BLOC1S5: variants seen among roughly 807,000 people sequenced by gnomAD.
BLOC1S5 encodes the protein biogenesis of lysosome-related organelles complex 1 subunit 5.
Under a neutral mutation model 24.3 loss-of-function variants are expected in BLOC1S5, and 27 were observed. The ratio of observed to expected loss-of-function variants is 1.11; its 90% confidence interval spans 0.82 to 1.53. The LOEUF (loss-of-function observed/expected upper bound fraction) is 1.53. Ranked by LOEUF, BLOC1S5 falls within the 40% of genes most tolerant of loss-of-function variation. The pLI is 0.00. For synonymous variants in BLOC1S5, 84 were observed against 74.5 expected (o/e 1.13, Z -0.66); for missense variants, 239 against 229.4 (o/e 1.04, Z -0.27).
At chr6:8,034,899 A>G (rs1053167505) in intron 3 of BLOC1S5, among the ~76,000 whole-genome samples, 12 of 152,176 alleles carry the variant, frequency 7.9e-5, no homozygotes, top group African/African-American at 4.8e-5. Context: ...CCAAATGCCC[A>G]TCAATCAACA....
chr6:8,047,437 C>T (rs1164016854), intron 2 of BLOC1S5, among the ~76,000 whole-genome samples: 2 of 152,070 alleles, frequency 1.3e-5, no homozygotes, highest in Non-Finnish European at 2.9e-5. Flanking sequence ...TTGTTGACCA[C>T]GCCTGGCCAA....
chr6:8,033,786 AAAAC>A (rs538393128), intron 3 of BLOC1S5, among the ~76,000 whole-genome samples: 5,948 of 152,282 alleles, frequency 0.039, 363 homozygotes, highest in African/African-American at 0.13. Flanking sequence ...TTACAAGAGA[AAAAC>A]AAACAACGCC....
Position 8,014,916 on chromosome 6 carries a change from T to C in BLOC1S5, c.*733A>G, listed in dbSNP as rs1400261642. 1.3e-5 allele frequency: 2 copies of C among 152,642 alleles called. No homozygotes were observed. The highest frequency in any genetic ancestry group is 4.8e-5 in the African/African-American group (2 of 41,444). 9.5% of individuals were successfully genotyped at this position (152,642 alleles called of 1,614,324 possible). A position where few individuals can be genotyped will look rare whatever the true frequency, so the allele number is the denominator to read the frequency against. ...GATTATAGCTCTTGGAAAAACTAAA[T>C]GTCAAAATATATTTTTGGTAAGCTT... is the stretch of plus-strand genomic sequence containing the variant. On this transcript the variant is annotated 3_prime_UTR_variant, in exon 5 of 5. Transcript: ENST00000397457.
chr6:8,021,641 T>C (rs2113517049), intron 4 of BLOC1S5, among the ~76,000 whole-genome samples: 1 of 150,916 alleles, frequency 6.6e-6, no homozygotes, highest in South Asian at 2.1e-4. Flanking sequence ...AAAAGTTCCG[T>C]GGATGGATGG....
rs1305175334 is a variant in BLOC1S5 at position 8,064,360 on chromosome 6, G to C, written c.17C>G (p.Thr6Arg). The C allele has an allele frequency of 6.2e-7, 1 of 1,610,756 alleles. No individual in the cohort carries two copies. The highest frequency in any genetic ancestry group is 1.3e-5 in the African/African-American group (1 of 74,912). The change falls in exon 1 of 5, where the codon ACA (threonine) becomes AGA (arginine). Residue 6 changes from threonine to arginine, a missense_variant. Transcript: ENST00000397457. ...GGCCTCACAACCCACAGGGGTCTCTGTCCCTCCGCCACTCATCCCGACCAG... is the reference window on the plus strand; with the variant it reads ...GGCCTCACAACCCACAGGGGTCTCTCTCCCTCCGCCACTCATCCCGACCAG... MSGGG[T>R]ETPVGCEAAP...
At chr6:8,041,352 G>GC in intron 2 of BLOC1S5, 84 bp from the exon 3 acceptor site, 3 of 1,297,738 alleles carry the variant, frequency 2.3e-6, no homozygotes, top group Non-Finnish European at 3.0e-6. Flanking sequence ...TCGCTCTGTC[G>GC]CCCAGACTGG....
chr6:8,063,997 T>C (rs906638393), intron 1 of BLOC1S5, among the ~76,000 whole-genome samples: 1 of 151,980 alleles, frequency 6.6e-6, no homozygotes, highest in Non-Finnish European at 1.5e-5. Context: ...CGCCCAGGGG[T>C]CCTGAGCTTG....
At chr6:8,027,234 C>A (rs1014106079) in intron 3 of BLOC1S5, 1 of 397,424 alleles carries the variant, frequency 2.5e-6, no homozygotes, top group Middle Eastern at 4.0e-4. Context: ...ATGTAGTGTG[C>A]AGGTTAAGAG....
At chr6:8,035,350 T>C (rs1357014080) in intron 3 of BLOC1S5, among the ~76,000 whole-genome samples, 5 of 118,058 alleles carry the variant, frequency 4.2e-5, no homozygotes, top group African/African-American at 1.4e-4. Flanking sequence ...AAAATCTTTT[T>C]TTTTTTTTTA....
intron 3 of BLOC1S5, 24 bp downstream of exon 3, chr6:8,041,115 A>G: frequency 6.4e-7 from 1 of 1,559,138 alleles, no homozygotes; most frequent in Non-Finnish European, 8.7e-7. Flanking sequence ...ATGAAAAGCA[A>G]TTAAAAAAGA....
intron 4 of BLOC1S5, among the ~76,000 whole-genome samples, chr6:8,017,393 C>CACACACACAG (rs1762780777): frequency 6.6e-6 from 1 of 150,736 alleles, no homozygotes; most frequent in South Asian, 2.1e-4. Flanking sequence ...CAAACACACA[C>CACACACACAG]ACACACACAC....
At chr6:8,021,043 C>A (rs1762898520) in intron 4 of BLOC1S5, among the ~76,000 whole-genome samples, 1 of 152,300 alleles carries the variant, frequency 6.6e-6, no homozygotes, top group Middle Eastern at 3.4e-3. Flanking sequence ...ACAGTCTACA[C>A]ATACAATGGA....
chr6:8,041,115 A>T, intron 3 of BLOC1S5, 24 bp downstream of exon 3: 1 of 1,559,138 alleles, frequency 6.4e-7, no homozygotes, highest in Non-Finnish European at 8.7e-7. Flanking sequence ...ATGAAAAGCA[A>T]TTAAAAAAGA....
intron 2 of BLOC1S5, among the ~76,000 whole-genome samples, chr6:8,048,469 T>C (rs959216634): frequency 6.6e-6 from 1 of 151,754 alleles, no homozygotes; most frequent in African/African-American, 2.4e-5. Context: ...GAGTTCATAC[T>C]GATAGTCAAA....
At chr6:8,022,953 A>G (rs2748354) in intron 4 of BLOC1S5, among the ~76,000 whole-genome samples, 67,521 of 151,774 alleles carry the variant, frequency 0.44, 15,824 homozygotes, top group East Asian at 0.78. Flanking sequence ...TCATAAAGAC[A>G]GATAACTGGA....
At chr6:8,056,168 T>A (rs1210362446) in intron 2 of BLOC1S5, among the ~76,000 whole-genome samples, 1 of 152,184 alleles carries the variant, frequency 6.6e-6, no homozygotes, top group Non-Finnish European at 1.5e-5. Context: ...GCCAAATACA[T>A]TTCTCCTCAT....
intron 2 of BLOC1S5, among the ~76,000 whole-genome samples, chr6:8,045,686 G>C (rs1763859473): frequency 6.6e-6 from 1 of 152,182 alleles, no homozygotes; most frequent in African/African-American, 2.4e-5. Context: ...TGGAGTCAAA[G>C]GGGATCATTT....
At chr6:8,026,071 G>A (rs1028266227) in intron 4 of BLOC1S5, among the ~76,000 whole-genome samples, 1 of 152,136 alleles carries the variant, frequency 6.6e-6, no homozygotes, top group African/African-American at 2.4e-5. Context: ...TCTCCAATCT[G>A]GTGGTTATTT....
chr6:8,016,902 T>C (rs9392947), intron 4 of BLOC1S5, among the ~76,000 whole-genome samples: 1 of 143,826 alleles, frequency 7.0e-6, no homozygotes, highest in Non-Finnish European at 1.5e-5. Flanking sequence ...AAAAGAAATC[T>C]CCTCTGGGTC....
Sources: allele counts gnomAD v4.1 joint callset (sites outside exome capture counted in the v4.1 genomes callset), GRCh38; gene constraint gnomAD v4.1.1; transcripts MANE v1.5; gene names NCBI Gene and HGNC (gene_info 2026-07-23, HGNC 2026-07-21).